Variants in TTC34 observed in about 807,000 individuals in gnomAD.
TTC34 encodes the protein tetratricopeptide repeat protein 34.
Under a neutral mutation model 40.7 loss-of-function variants are expected in TTC34, and 44 were observed. The observed-to-expected ratio is 1.08, with a 90% CI of 0.85 to 1.39. The LOEUF is 1.39. Ranked by LOEUF, TTC34 falls within the 40% of genes most tolerant of loss-of-function variation. The pLI is 0.00. For synonymous variants in TTC34, 422 were observed against 398.6 expected (o/e 1.06, Z -0.70); for missense variants, 884 against 838.0 (o/e 1.05, Z -0.68).
intron 6 of TTC34, among the ~76,000 whole-genome samples, chr1:2,756,050 G>C (rs1453299739): frequency 1.5e-4 from 11 of 73,148 alleles, no homozygotes; most frequent in African/African-American, 5.4e-4. Context: ...TGACAACCTG[G>C]AACAGCACCC....
rs1638901756 is a variant in TTC34 at position 2,641,497 on chromosome 1, C to T, written c.3111G>A (p.Glu1037=). The T allele has an allele frequency of 2.0e-6, 3 of 1,535,672 alleles. No individual in the cohort carries two copies. The African/African-American group carries it at 4.1e-5, about 21-fold the overall frequency. Reference sequence around the variant, plus strand: ...TCCAGGCCTCTGCGTGACGCTGCTCCTCCAGGCAGCACTGCCCGCGGAGAA... The same window carrying T: ...TCCAGGCCTCTGCGTGACGCTGCTCTTCCAGGCAGCACTGCCCGCGGAGAA... Residue 1037 remains glutamate, a synonymous_variant, in exon 9 of 9, where the codon GAG becomes GAA. Transcript: ENST00000401095.
chr1:2,755,929 G>A (rs1433221661), intron 6 of TTC34, among the ~76,000 whole-genome samples: 1 of 83,270 alleles, frequency 1.2e-5, no homozygotes, highest in Non-Finnish European at 2.1e-5. Flanking sequence ...TGACAGCCTG[G>A]AGCAGCACCC....
intron 6 of TTC34, among the ~76,000 whole-genome samples, chr1:2,677,794 ATC>A (rs1639970611): frequency 2.5e-4 from 1 of 3,944 alleles, no homozygotes. Flanking sequence ...ATCTGACCGC[ATC>A]ACATGGCATC....
At chr1:2,762,154 T>C (rs1641699037) in intron 6 of TTC34, among the ~76,000 whole-genome samples, 1 of 56,512 alleles carries the variant, frequency 1.8e-5, no homozygotes, top group Admixed American at 1.8e-4. Flanking sequence ...TCTGACAGCC[T>C]GGAGCAGCGC....
chr1:2,642,251 G>C (rs1638922221), intron 8 of TTC34, among the ~76,000 whole-genome samples: 1 of 152,146 alleles, frequency 6.6e-6, no homozygotes, highest in African/African-American at 2.4e-5. Context: ...CCTCCTGGCA[G>C]CCCTACCGCC....
In TTC34 at chr1:2,752,551, A is replaced by C. The variant is rs1367335196; in HGVS notation, c.2226+31058T>G. Among the ~76,000 whole-genome samples, 546 of 106,816 alleles carry C rather than the reference A, an allele frequency of 5.1e-3. 2 individuals carry two copies. Among genetic ancestry groups the C allele is most frequent in the Admixed American group, 8.4e-3 (86 of 10,210 alleles). 70.1% of individuals were successfully genotyped at this position (106,816 alleles called of 152,430 possible). A position where few individuals can be genotyped will look rare whatever the true frequency, so the allele number is the denominator to read the frequency against. ...CCACATCCCCAGGTGAGCATCTGAC[A>C]GCCTGGAACAGCACCTTGCACCCCC... is the stretch of plus-strand genomic sequence containing the variant. On this transcript the variant is annotated intron_variant, in intron 6 of 8. Transcript: ENST00000401095.
At chr1:2,684,517 C>A (rs34858214) in intron 6 of TTC34, among the ~76,000 whole-genome samples, 5 of 147,060 alleles carry the variant, frequency 3.4e-5, no homozygotes, top group Non-Finnish European at 5.9e-5. Context: ...GCACCCACAC[C>A]CCCAGGTGAG....
chr1:2,789,727 G>T, exon 3 of TTC34: 1 of 921,148 alleles, frequency 1.1e-6, no homozygotes, highest in Non-Finnish European at 1.5e-6. Flanking sequence ...CCAGGAACGC[G>T]CTGCCCGCCA....
chr1:2,652,503 C>CAGCCT (rs1639179491), intron 6 of TTC34, among the ~76,000 whole-genome samples: 3 of 148,348 alleles, frequency 2.0e-5, no homozygotes, highest in African/African-American at 2.5e-5. Flanking sequence ...GAGCATCTGA[C>CAGCCT]GGCCTGCAAC....
At chr1:2,797,770 G>A (rs948870002) in intron 2 of TTC34, among the ~76,000 whole-genome samples, 2 of 151,884 alleles carry the variant, frequency 1.3e-5, no homozygotes, top group East Asian at 3.9e-4. Flanking sequence ...TCAAACTGGG[G>A]GCGTCTAAAC....
At position 2,749,593 on chromosome 1, in the gene TTC34, A is replaced by T. The variant is rs1641252317; in HGVS notation, c.2226+34016T>A. Among the ~76,000 whole-genome samples the T allele has an allele frequency of 1.8e-5, 2 of 109,840 alleles. 1 individual carries two copies. The highest frequency in any genetic ancestry group is 9.5e-5 in the African/African-American group (2 of 20,946). 72.1% of individuals were successfully genotyped at this position (109,840 alleles called of 152,430 possible). ...AGGCGAGCATCCGACAGCCTGGAGC[A>T]GCACCCACACCCCCAGGTGTGCATG... On this transcript the variant is annotated intron_variant, in intron 6 of 8. Transcript: ENST00000401095.
intron 6 of TTC34, among the ~76,000 whole-genome samples, chr1:2,685,229 G>GCAGCCA (rs1640276585): frequency 1.2e-5 from 1 of 81,782 alleles, no homozygotes; most frequent in Non-Finnish European, 2.6e-5. Context: ...TCGTGGAGCA[G>GCAGCCA]CACCCACACC....
intron 6 of TTC34, among the ~76,000 whole-genome samples, chr1:2,683,408 G>A (rs1171233483): frequency 4.6e-5 from 6 of 129,644 alleles, no homozygotes; most frequent in African/African-American, 1.3e-4. Flanking sequence ...GTGAGCATCC[G>A]ATAGCCTGGA....
intron 6 of TTC34, among the ~76,000 whole-genome samples, chr1:2,649,514 C>T (rs963542872): frequency 1.2e-4 from 19 of 152,202 alleles, no homozygotes; most frequent in African/African-American, 4.6e-4. Flanking sequence ...CCTGGAACAG[C>T]ACCCTTCATG....
chr1:2,785,480 G>T (rs1458552832), intron 5 of TTC34, among the ~76,000 whole-genome samples: 1 of 152,170 alleles, frequency 6.6e-6, no homozygotes, highest in Admixed American at 6.5e-5. Flanking sequence ...AGGGCTGAGG[G>T]GAGCAGGGAC....
chr1:2,756,568 C>T (rs1430587333), intron 6 of TTC34, among the ~76,000 whole-genome samples: 677 of 141,616 alleles, frequency 4.8e-3, no homozygotes, highest in African/African-American at 9.8e-3. Flanking sequence ...CATCTGACAG[C>T]CTGAAGCAGC....
chr1:2,764,296 A>C (rs1192755348), intron 6 of TTC34, among the ~76,000 whole-genome samples: 1,669 of 58,532 alleles, frequency 0.029, no homozygotes, highest in Middle Eastern at 0.056. Context: ...GGAGCAGCAC[A>C]CACAACCCCA....
exon 9 of TTC34, chr1:2,638,551 C>T (rs549235473): frequency 1.3e-5 from 2 of 152,310 alleles, no homozygotes; most frequent in Admixed American, 6.5e-5. Flanking sequence ...CTCTCCACCT[C>T]CAGCTGAGCA....
In TTC34 at chr1:2,694,628, C is replaced by A. The variant is rs866927292; in HGVS notation, c.2227-49065G>T. Among the ~76,000 whole-genome samples the A allele has an allele frequency of 3.7e-4, 31 of 84,692 alleles. 9 individuals carry two copies. Among genetic ancestry groups the A allele is most frequent in the Non-Finnish European group, 7.9e-4 (27 of 34,230 alleles). 55.6% of individuals were successfully genotyped at this position (84,692 alleles called of 152,430 possible). On this transcript the variant is annotated intron_variant, in intron 6 of 8. Transcript: ENST00000401095. Reference sequence around the variant, plus strand: ...ATCTGAAACCACGGAGCAGCACCCACACCTCCCGGCGAGCATCTGACGGCC... The same window carrying A: ...ATCTGAAACCACGGAGCAGCACCCAAACCTCCCGGCGAGCATCTGACGGCC...
Sources: allele counts gnomAD v4.1 joint callset (sites outside exome capture counted in the v4.1 genomes callset), GRCh38; gene constraint gnomAD v4.1.1; transcripts MANE v1.5; gene names NCBI Gene and HGNC (gene_info 2026-07-23, HGNC 2026-07-21).